Variants in LRP1B observed in about 807,000 individuals in gnomAD.
LRP1B encodes low-density lipoprotein receptor-related protein 1B.
A neutral mutation model predicts 556.6 loss-of-function variants in LRP1B; 217 were observed. The ratio of observed to expected loss-of-function variants is 0.39; its 90% confidence interval spans 0.35 to 0.44. The LOEUF (loss-of-function observed/expected upper bound fraction) is 0.44. Ranked by LOEUF, LRP1B falls within the 20% of genes least tolerant of loss-of-function variation. The probability of loss-of-function intolerance (pLI) is 1.00; values close to 1 mark genes in which losing one functional copy is unlikely to be tolerated. For synonymous variants in LRP1B, 2,047 were observed against 1,865.8 expected, an observed-to-expected ratio of 1.10 and a Z score of -2.50; for missense variants, 5,053 against 5,620.8, an observed-to-expected ratio of 0.90 and a Z score of 3.23.
intron 1 of LRP1B, among the ~76,000 whole-genome samples, chr2:142,014,964 A>C (rs529395255): frequency 1.3e-5 from 2 of 152,290 alleles, no homozygotes; most frequent in Non-Finnish European, 2.9e-5. Flanking sequence ...ACTAAATAAA[A>C]ATCAAAAGAT....
At chr2:141,231,051 C>T (rs1452202060) in intron 5 of LRP1B, among the ~76,000 whole-genome samples, 3 of 152,134 alleles carry the variant, frequency 2.0e-5, no homozygotes, top group Admixed American at 2.0e-4. Flanking sequence ...TCATGAAACG[C>T]AACAAAAATA....
intron 20 of LRP1B, among the ~76,000 whole-genome samples, chr2:140,932,382 AC>A (rs1270304295): frequency 6.6e-6 from 1 of 151,924 alleles, no homozygotes; most frequent in Non-Finnish European, 1.5e-5. Flanking sequence ...TTTTATTGGA[AC>A]CCTGACACAC....
chr2:141,079,557 G>A (rs1190268670), intron 7 of LRP1B, among the ~76,000 whole-genome samples: 1 of 152,182 alleles, frequency 6.6e-6, no homozygotes, highest in African/African-American at 2.4e-5. Context: ...AATCCTGCAA[G>A]CAATAATGCT....
intron 60 of LRP1B, among the ~76,000 whole-genome samples, chr2:140,474,867 T>C (rs1163641566): frequency 6.6e-6 from 1 of 151,854 alleles, no homozygotes; most frequent in Non-Finnish European, 1.5e-5. Flanking sequence ...CATGTGGATA[T>C]TAATTTATAA....
chr2:142,018,230 T>C (rs1363474835), intron 1 of LRP1B, among the ~76,000 whole-genome samples: 1 of 152,208 alleles, frequency 6.6e-6, no homozygotes, highest in South Asian at 2.1e-4. Flanking sequence ...TCATTCTTCT[T>C]AAGTTGCAGT....
intron 2 of LRP1B, among the ~76,000 whole-genome samples, chr2:141,602,324 G>C (rs899903018): frequency 5.9e-5 from 9 of 152,132 alleles, no homozygotes; most frequent in African/African-American, 1.9e-4. Flanking sequence ...ATTGATTTTT[G>C]TCTGAAGTAC....
At chr2:140,747,877 T>C (rs1489243636) in intron 35 of LRP1B, among the ~76,000 whole-genome samples, 2 of 151,664 alleles carry the variant, frequency 1.3e-5, no homozygotes, top group Non-Finnish European at 1.5e-5. Flanking sequence ...ATGACCACAT[T>C]TTTCAGTATC....
intron 41 of LRP1B, among the ~76,000 whole-genome samples, chr2:140,628,243 C>G (rs1046946222): frequency 6.6e-6 from 1 of 152,048 alleles, no homozygotes; most frequent in Non-Finnish European, 1.5e-5. Context: ...AAAATTATGT[C>G]TATCTGGCTG....
intron 2 of LRP1B, among the ~76,000 whole-genome samples, chr2:141,601,815 C>T (rs1409561362): frequency 6.6e-6 from 1 of 151,982 alleles, no homozygotes; most frequent in African/African-American, 2.4e-5. Context: ...GTTGGCCAGG[C>T]TGGTTTTGAA....
At chr2:140,700,053 G>T (rs1053894357) in intron 41 of LRP1B, among the ~76,000 whole-genome samples, 197 bp downstream of exon 41, 1 of 129,824 alleles carries the variant, frequency 7.7e-6, no homozygotes, top group South Asian at 2.7e-4. Flanking sequence ...ATAATTTGCT[G>T]TACATGCTAG....
At chr2:140,677,299 A>G (rs1355271523) in intron 41 of LRP1B, among the ~76,000 whole-genome samples, 1 of 152,242 alleles carries the variant, frequency 6.6e-6, no homozygotes, top group African/African-American at 2.4e-5. Flanking sequence ...GAAAAGAGTC[A>G]GTGGGTATAG....
At chr2:140,378,322 A>G (rs748194745) in intron 67 of LRP1B, 36 bp from the exon 68 acceptor site, 4 of 1,124,452 alleles carry the variant, frequency 3.6e-6, no homozygotes, top group South Asian at 1.3e-5. Flanking sequence ...TTATTCTATT[A>G]TATGTAAGTG....
At chr2:141,534,133 T>C (rs1574053878) in intron 2 of LRP1B, among the ~76,000 whole-genome samples, 5 of 152,208 alleles carry the variant, frequency 3.3e-5, no homozygotes, top group Admixed American at 3.3e-4. Context: ...ATTGCAGAGG[T>C]AGTCCATCAA....
At chr2:141,904,032 T>C (rs1013194054) in intron 1 of LRP1B, among the ~76,000 whole-genome samples, 2 of 151,886 alleles carry the variant, frequency 1.3e-5, no homozygotes, top group African/African-American at 4.8e-5. Context: ...TGGAAAGATA[T>C]GATAGTGGAG....
chr2:140,559,798 G>A (rs576976143), intron 43 of LRP1B, among the ~76,000 whole-genome samples: 1 of 148,150 alleles, frequency 6.7e-6, no homozygotes, highest in Non-Finnish European at 1.5e-5. Context: ...ACAAGGGAAA[G>A]TTCTTCCTTA....
chr2:140,655,086 C>G (rs893603663), intron 41 of LRP1B, among the ~76,000 whole-genome samples: 7 of 151,040 alleles, frequency 4.6e-5, no homozygotes, highest in African/African-American at 9.7e-5. Context: ...TGTGGCCTAT[C>G]TCTCTAAAAG....
intron 59 of LRP1B, among the ~76,000 whole-genome samples, chr2:140,480,446 G>A (rs1688183994): frequency 6.6e-6 from 1 of 151,958 alleles, no homozygotes; most frequent in Non-Finnish European, 1.5e-5. Context: ...TTTCCTTGTG[G>A]ATTTCCTAAC....
intron 1 of LRP1B, among the ~76,000 whole-genome samples, chr2:141,945,830 A>C (rs1375286645): frequency 6.6e-5 from 10 of 152,174 alleles, no homozygotes; most frequent in Admixed American, 6.6e-4. Context: ...ATATTTTAGA[A>C]GTAAATACAT....
chr2:141,410,422 A>G (rs1450242670), intron 3 of LRP1B, among the ~76,000 whole-genome samples: 1 of 152,070 alleles, frequency 6.6e-6, no homozygotes, highest in African/African-American at 2.4e-5. Context: ...AAAAGATGAT[A>G]TAGGTCCATA....
Sources: gnomAD v4.1 joint callset for allele counts (sites outside exome capture counted in the v4.1 genomes callset) on GRCh38, gnomAD v4.1.1 for gene constraint, MANE v1.5 for transcripts, NCBI Gene and HGNC (gene_info 2026-07-23, HGNC 2026-07-21) for gene names.